The following MED23 variants were observed in gnomAD, a reference collection of about 807,000 sequenced individuals.
MED23 encodes mediator complex subunit 23, also known as mediator of RNA polymerase II transcription subunit 23.
Under a neutral mutation model 163.9 loss-of-function variants are expected in MED23, and 105 were observed. The observed-to-expected ratio is 0.64, with a 90% confidence interval of 0.55 to 0.75. The LOEUF is 0.75. Among genes scored for constraint, MED23 ranks in the 30% least tolerant of loss-of-function variants. MED23 has a pLI of 0.00. For synonymous variants in MED23, 561 were observed against 565.6 expected (o/e 0.99, Z 0.12); for missense variants, 1,054 against 1,649.0 (o/e 0.64, Z 6.25).
At chr6:131,595,741 C>A (rs1051957878) in intron 22 of MED23, among the ~76,000 whole-genome samples, 3 of 152,152 alleles carry the variant, frequency 2.0e-5, no homozygotes, top group African/African-American at 7.2e-5. Context: ...AGTAACATCA[C>A]CCTGTTCTGA....
At chr6:131,583,951 T>C, downstream of MED23, 1 of 1,596,624 alleles carries the variant, frequency 6.3e-7, no homozygotes. Context: ...AATGGCATAA[T>C]TAGAAAGCTA....
At chr6:131,619,968 T>A in intron 7 of MED23, 72 bp from the exon 8 acceptor site, 1 of 881,986 alleles carries the variant, frequency 1.1e-6, no homozygotes, top group South Asian at 1.3e-5. Flanking sequence ...CCCTGAAATA[T>A]ATGAACATTT....
chr6:131,605,476 C>T lies in MED23; in HGVS notation c.1377G>A (p.Gln459=), dbSNP rs1293227020. The T allele has an allele frequency of 6.3e-7, 1 of 1,583,332 alleles. No homozygotes were observed. Among genetic ancestry groups the T allele is most frequent in the Non-Finnish European group, 8.6e-7 (1 of 1,164,834 alleles). ...HSLRLHHEFL[Q]QSLRNKSLQM... Reference sequence around the variant, plus strand: ...GTAAACTTTTATTTCTTAGACTCTGCTGCAGGAACCTAAATATTCACGTTC... The same window carrying T: ...GTAAACTTTTATTTCTTAGACTCTGTTGCAGGAACCTAAATATTCACGTTC... Residue 459 remains glutamine, a synonymous_variant, in exon 14 of 29, where the codon CAG becomes CAA. Transcript: ENST00000368068.
chr6:131,624,760 C>A, intron 4 of MED23, 105 bp downstream of exon 4: 1 of 1,282,800 alleles, frequency 7.8e-7, no homozygotes, highest in Middle Eastern at 1.8e-4. Flanking sequence ...ATAAACCTCA[C>A]CTTCTTCTTC....
In MED23 at chr6:131,581,242, GCC is replaced by G. The variant is rs1218794954; in HGVS notation, c.4095+6465_4095+6466del. On this transcript the variant is annotated intron_variant, in intron 30 of 30. Coordinates refer to the MED23 transcript ENST00000354577. ...AGTTTGGCAATTGGAAGCATCTCTGGCCATGCCAGGGTCCACCCTGATCTTGG... is the reference window on the plus strand; with the variant it reads ...AGTTTGGCAATTGGAAGCATCTCTGGATGCCAGGGTCCACCCTGATCTTGG... 3 of 1,613,842 alleles carry G rather than the reference GCC, an allele frequency of 1.9e-6. No individual in the cohort carries two copies. The Admixed American group carries it at 5.0e-5, about 27-fold the overall frequency.
intron 13 of MED23, among the ~76,000 whole-genome samples, 164 bp from the exon 14 acceptor site, chr6:131,605,649 G>A (rs1205992849): frequency 6.6e-6 from 1 of 152,140 alleles, no homozygotes; most frequent in Non-Finnish European, 1.5e-5. Context: ...AATACACATA[G>A]AAGTTTGAGT....
intron 25 of MED23, chr6:131,591,867 A>C (rs1774666141): frequency 3.6e-6 from 1 of 274,010 alleles, no homozygotes; most frequent in Admixed American, 5.0e-5. Context: ...GGTCAGAGAA[A>C]GGAGTCTTCA....
Position 131,620,689 on chromosome 6 carries a change from G to A in MED23, c.536C>T (p.Pro179Leu). The A allele has an allele frequency of 6.2e-7, 1 of 1,613,298 alleles. No homozygotes were observed. Among genetic ancestry groups the A allele is most frequent in the Non-Finnish European group, 8.5e-7 (1 of 1,179,570 alleles). ...GATCTCAGTGACTGCAAAATAGGCTGGTAATAAGCAGGCATTTCTTTCCAA... is the reference window on the plus strand; with the variant it reads ...GATCTCAGTGACTGCAAAATAGGCTAGTAATAAGCAGGCATTTCTTTCCAA... ...YILERNACLL[P>L]AYFAVTEIRK... Residue 179 changes from proline (P) to leucine (L), a missense_variant, in exon 7 of 29, where the codon CCA becomes CTA. Physicochemically the swap from Pro to Leu is moderately conservative, Grantham distance 98 (BLOSUM62 -3). Coordinates refer to ENST00000368068, the MANE Select transcript of MED23 (RefSeq NM_004830.4).
At chr6:131,590,618 CTTGA>C (rs1774535369) in intron 26 of MED23, among the ~76,000 whole-genome samples, 176 bp from the exon 27 acceptor site, 1 of 152,086 alleles carries the variant, frequency 6.6e-6, no homozygotes, top group Non-Finnish European at 1.5e-5. Flanking sequence ...ATTACTTTCA[CTTGA>C]TTATTTTTAT....
downstream of MED23, among the ~76,000 whole-genome samples, chr6:131,585,987 C>T (rs144542658): frequency 2.8e-3 from 433 of 152,180 alleles, no homozygotes; most frequent in Non-Finnish European, 4.6e-3. Flanking sequence ...CAATTTTATC[C>T]TCATTCTAGG....
intron 9 of MED23, 42 bp downstream of exon 9, chr6:131,618,365 C>T (rs1056365157): frequency 7.7e-6 from 10 of 1,302,928 alleles, no homozygotes; most frequent in Non-Finnish European, 1.1e-5. Context: ...AGGTTGAAGA[C>T]TGTCAGATGG....
At chr6:131,609,932 A>G (rs1776157609) in intron 11 of MED23, 114 bp downstream of exon 11, 4 of 997,300 alleles carry the variant, frequency 4.0e-6, no homozygotes, top group Non-Finnish European at 4.7e-6. Context: ...AACAGGACAG[A>G]AATTAGGGCT....
chr6:131,596,791 A>G, intron 20 of MED23, 103 bp from the exon 21 acceptor site: 1 of 1,134,980 alleles, frequency 8.8e-7, no homozygotes, highest in Non-Finnish European at 1.3e-6. Context: ...TCTCACTATT[A>G]TAATTTCCTT....
At position 131,587,654 on chromosome 6, in the gene MED23, A is replaced by G; in HGVS notation, c.*25T>C. 4 of 1,613,938 alleles carry G rather than the reference A, an allele frequency of 2.5e-6. No homozygotes were observed. Among genetic ancestry groups the G allele is most frequent in the African/African-American group, 1.3e-5 (1 of 75,054 alleles). On this transcript the variant is annotated 3_prime_UTR_variant, in exon 29 of 29. Coordinates refer to ENST00000368068, the MANE Select transcript of MED23 (RefSeq NM_004830.4). ...CACTCTCAAAGACGGATATATTTCT[A>G]CTTTCTCCACAGTACAGTCTGGCTT...
downstream of MED23, among the ~76,000 whole-genome samples, chr6:131,585,424 C>T (rs547695835): frequency 2.0e-5 from 3 of 152,288 alleles, no homozygotes; most frequent in South Asian, 6.2e-4. Flanking sequence ...AAAACTGTTT[C>T]CTCTAATAAC....
At chr6:131,586,003 A>C (rs957258319), downstream of MED23, among the ~76,000 whole-genome samples, 7 of 152,228 alleles carry the variant, frequency 4.6e-5, no homozygotes, top group African/African-American at 9.6e-5. Context: ...CTAGGATCAA[A>C]AAGCAATAAA....
chr6:131,593,218 T>C, intron 23 of MED23, 47 bp from the exon 24 acceptor site: 3 of 1,608,248 alleles, frequency 1.9e-6, no homozygotes, highest in Non-Finnish European at 2.6e-6. Context: ...CATCTGATTG[T>C]CAATTTATCT....
intron 10 of MED23, among the ~76,000 whole-genome samples, chr6:131,611,514 T>C (rs1776273687): frequency 6.6e-6 from 1 of 152,188 alleles, no homozygotes; most frequent in Admixed American, 6.5e-5. Context: ...CCTCCAAATG[T>C]AATTATCATT....
intron 4 of MED23, among the ~76,000 whole-genome samples, 187 bp downstream of exon 4, chr6:131,624,678 C>A (rs551055694): frequency 1.3e-5 from 2 of 152,208 alleles, no homozygotes; most frequent in African/African-American, 4.8e-5. Context: ...TTTGAGCCCA[C>A]AAGCATTACC....
Sources: gnomAD v4.1 joint callset for allele counts (sites outside exome capture counted in the v4.1 genomes callset) on GRCh38, gnomAD v4.1.1 for gene constraint, MANE v1.5 for transcripts, NCBI Gene and HGNC (gene_info 2026-07-23, HGNC 2026-07-21) for gene names.